Variants in CSMD1 observed in about 807,000 individuals in gnomAD.
CSMD1 encodes CUB and Sushi multiple domains 1, also known as CUB and sushi domain-containing protein 1.
CSMD1 carries 213 observed loss-of-function variants against 417.5 expected under a neutral mutation model. The observed-to-expected ratio is 0.51, with a 90% CI of 0.46 to 0.57. CSMD1 has a LOEUF of 0.57. Among genes scored for constraint, CSMD1 ranks in the 20% least tolerant of loss-of-function variants. CSMD1 has a pLI of 0.00. For synonymous variants in CSMD1, 2,862 were observed against 1,736.8 expected (o/e 1.65, Z -16.11); for missense variants, 6,923 against 4,529.7 (o/e 1.53, Z -15.17).
intron 1 of CSMD1, among the ~76,000 whole-genome samples, chr8:4,764,064 C>T (rs572975643): frequency 1.3e-5 from 2 of 152,310 alleles, no homozygotes; most frequent in African/African-American, 4.8e-5. Context: ...CAACAGACAG[C>T]ACTCTGTCTG....
chr8:3,082,759 AATT>A (rs1377107093), intron 49 of CSMD1, among the ~76,000 whole-genome samples: 2 of 152,210 alleles, frequency 1.3e-5, no homozygotes, highest in African/African-American at 4.8e-5. Context: ...CATGTCAAGA[AATT>A]ATACAAAAGA....
At chr8:3,188,041 T>G in intron 35 of CSMD1, 76 bp from the exon 36 acceptor site, 1 of 923,186 alleles carries the variant, frequency 1.1e-6, no homozygotes, top group Non-Finnish European at 1.7e-6. Flanking sequence ...GGTTTTGGGG[T>G]TTTTCATGAT....
chr8:4,087,189 C>T lies in CSMD1; in HGVS notation c.416-55090G>A, dbSNP rs1009754311. On this transcript the variant is annotated intron_variant, in intron 3 of 69. Transcript: ENST00000635120. ...CTCACCTCCTTTCAGGGCATCTCAG[C>T]ACAACTTAGCAGCCACCCTAGCTCT... Among the ~76,000 whole-genome samples, 3 of 152,174 alleles carry T rather than the reference C, an allele frequency of 2.0e-5. No individual in the cohort carries two copies. The East Asian group carries it at 5.8e-4, about 29-fold the overall frequency.
chr8:4,548,826 C>G lies in CSMD1; in HGVS notation c.302+88516G>C, dbSNP rs140350018. On this transcript the variant is annotated intron_variant, in intron 2 of 69. Coordinates refer to ENST00000635120, the MANE Select transcript of CSMD1 (RefSeq NM_033225.6). ...AACAACCTGATATATGGAGAGCATA[C>G]TGCCTTGGTCTTGGGGGGACATGTG... Among the ~76,000 whole-genome samples the G allele has an allele frequency of 7.0e-3, 1,071 of 152,228 alleles. 17 individuals carry two copies. The East Asian group carries it at 0.082, about 12-fold the overall frequency.
chr8:2,962,768 G>C, intron 60 of CSMD1, 129 bp from the exon 61 acceptor site: 3 of 976,462 alleles, frequency 3.1e-6, no homozygotes, highest in Non-Finnish European at 4.4e-6. Flanking sequence ...CTAAAAGGAG[G>C]CCAGGCACGG....
chr8:4,189,410 G>C (rs563908439), intron 3 of CSMD1, among the ~76,000 whole-genome samples: 2 of 152,224 alleles, frequency 1.3e-5, no homozygotes, highest in African/African-American at 4.8e-5. Context: ...GTTTGCCTTT[G>C]TTATTAGAAA....
chr8:4,299,317 T>A (rs1797855827), intron 3 of CSMD1, among the ~76,000 whole-genome samples: 1 of 152,180 alleles, frequency 6.6e-6, no homozygotes. Flanking sequence ...AGAACGCACT[T>A]TTTAAATAAT....
At chr8:4,833,924 C>A (rs1200710570) in intron 1 of CSMD1, among the ~76,000 whole-genome samples, 1 of 152,166 alleles carries the variant, frequency 6.6e-6, no homozygotes, top group East Asian at 1.9e-4. Context: ...CCACCCACCT[C>A]CTTGATTCCA....
intron 3 of CSMD1, among the ~76,000 whole-genome samples, chr8:4,052,312 A>G (rs901396320): frequency 6.6e-6 from 1 of 152,308 alleles, no homozygotes; most frequent in Non-Finnish European, 1.5e-5. Flanking sequence ...GCTGACATTT[A>G]ATGCGTAATT....
chr8:3,355,016 A>T (rs192388095), intron 21 of CSMD1, among the ~76,000 whole-genome samples: 1 of 118,712 alleles, frequency 8.4e-6, no homozygotes, highest in African/African-American at 3.6e-5. Flanking sequence ...ATTAAAATAC[A>T]GGCAAGATAT....
intron 2 of CSMD1, among the ~76,000 whole-genome samples, chr8:4,620,021 G>A (rs1056714777): frequency 3.3e-5 from 5 of 151,808 alleles, no homozygotes; most frequent in Admixed American, 6.6e-5. Flanking sequence ...TTTTATATAT[G>A]CATTTTATAA....
At chr8:4,078,384 G>T (rs1441468504) in intron 3 of CSMD1, among the ~76,000 whole-genome samples, 1 of 141,110 alleles carries the variant, frequency 7.1e-6, no homozygotes, top group Non-Finnish European at 1.5e-5. Context: ...GCGTGATCTC[G>T]ACTCACTGCA....
intron 2 of CSMD1, among the ~76,000 whole-genome samples, chr8:4,611,064 A>G (rs1335353174): frequency 6.6e-6 from 1 of 152,154 alleles, no homozygotes; most frequent in Non-Finnish European, 1.5e-5. Flanking sequence ...CAAAAACTTA[A>G]GAAAAGTGAA....
chr8:4,874,581 G>A (rs1464632456), intron 1 of CSMD1, among the ~76,000 whole-genome samples: 2 of 151,470 alleles, frequency 1.3e-5, no homozygotes, highest in Admixed American at 6.6e-5. Flanking sequence ...AGTAAAGATG[G>A]GGTTTCACTA....
intron 3 of CSMD1, among the ~76,000 whole-genome samples, chr8:4,381,181 T>C (rs1803078544): frequency 1.3e-5 from 2 of 152,218 alleles, no homozygotes; most frequent in Admixed American, 1.3e-4. Context: ...ATTACAGTTC[T>C]CTACGGTACT....
At chr8:4,034,679 A>G (rs1797524767) in intron 3 of CSMD1, among the ~76,000 whole-genome samples, 1 of 152,234 alleles carries the variant, frequency 6.6e-6, no homozygotes, top group Non-Finnish European at 1.5e-5. Flanking sequence ...AAAGGGAGTG[A>G]TTAAAAAAAG....
Position 3,348,097 on chromosome 8 carries a change from A to G in CSMD1, c.3369T>C (p.Asn1123=). The G allele has an allele frequency of 6.2e-7, 1 of 1,612,812 alleles. No homozygotes were observed. The highest frequency in any genetic ancestry group is 8.5e-7 in the Non-Finnish European group (1 of 1,179,364). The stretch of plus-strand genomic sequence containing the variant: ...AGATACACTCATGGTTATTATCATA[A>G]TTGGATGGAAAATTTGGAGACAGTA... ...GTLLSPNFPS[N]YDNNHECIYK... is the part of the protein sequence containing the mutation. The change falls in exon 22 of 70, where the codon AAT becomes AAC. Residue 1123 remains asparagine (N), a synonymous_variant. Coordinates refer to ENST00000635120, the MANE Select transcript of CSMD1 (RefSeq NM_033225.6).
intron 3 of CSMD1, among the ~76,000 whole-genome samples, chr8:4,035,264 T>C (rs1023296780): frequency 6.6e-6 from 1 of 152,190 alleles, no homozygotes; most frequent in Non-Finnish European, 1.5e-5. Flanking sequence ...CAGCCAGTCA[T>C]ACAAATCTTC....
chr8:3,502,613 A>C (rs1796653719), intron 10 of CSMD1, among the ~76,000 whole-genome samples: 1 of 152,170 alleles, frequency 6.6e-6, no homozygotes, highest in Admixed American at 6.5e-5. Context: ...CCAATTTTAG[A>C]AGGTGACGTG....
Sources: allele counts gnomAD v4.1 joint callset (sites outside exome capture counted in the v4.1 genomes callset), GRCh38; gene constraint gnomAD v4.1.1; transcripts MANE v1.5; gene names NCBI Gene and HGNC (gene_info 2026-07-23, HGNC 2026-07-21).